Variants in CDH18 observed in about 807,000 individuals in gnomAD.
CDH18 encodes cadherin 18.
CDH18 carries 31 observed loss-of-function variants against 67.9 expected under a neutral mutation model. The ratio of observed to expected loss-of-function variants is 0.46; its 90% CI spans 0.34 to 0.62. The LOEUF (loss-of-function observed/expected upper bound fraction) is 0.62, where lower values mean the gene tolerates loss of function less well. Ranked by LOEUF, CDH18 falls within the 20% of genes least tolerant of loss-of-function variation. The pLI is 0.01. For missense variants in CDH18, 890 were observed against 975.5 expected, an observed-to-expected ratio of 0.91 and a Z score of 1.17; for synonymous variants, 362 against 347.2, an observed-to-expected ratio of 1.04 and a Z score of -0.48.
chr5:19,524,462 A>G (rs1183758556), intron 9 of CDH18, among the ~76,000 whole-genome samples: 6 of 151,682 alleles, frequency 4.0e-5, no homozygotes, highest in Non-Finnish European at 7.4e-5. Flanking sequence ...CAAAACTAAC[A>G]TAATAATTAG....
chr5:20,470,146 G>A (rs1414578095), intron 1 of CDH18, among the ~76,000 whole-genome samples: 1 of 152,034 alleles, frequency 6.6e-6, no homozygotes, highest in Non-Finnish European at 1.5e-5. Flanking sequence ...TGCATGTATT[G>A]ATCTCACAAT....
intron 1 of CDH18, among the ~76,000 whole-genome samples, chr5:20,378,232 G>T (rs542171093): frequency 3.3e-5 from 5 of 152,094 alleles, no homozygotes; most frequent in Non-Finnish European, 4.4e-5. Context: ...GGAGTGCAGT[G>T]GTGCGCTCGG....
chr5:20,418,564 A>C (rs1244215084), intron 1 of CDH18, among the ~76,000 whole-genome samples: 2 of 152,052 alleles, frequency 1.3e-5, no homozygotes. Context: ...AGGAATTCTA[A>C]GTCAAACATA....
chr5:20,326,779 G>A (rs1365153245), intron 1 of CDH18, among the ~76,000 whole-genome samples: 1 of 152,130 alleles, frequency 6.6e-6, no homozygotes, highest in Non-Finnish European at 1.5e-5. Context: ...CTGACCTTGT[G>A]ATCTGCCAGC....
chr5:20,012,563 G>C (rs1419655976), intron 2 of CDH18, among the ~76,000 whole-genome samples: 4 of 152,008 alleles, frequency 2.6e-5, no homozygotes, highest in African/African-American at 9.7e-5. Context: ...GCTAACCAAG[G>C]AGGTGAAAGA....
intron 1 of CDH18, among the ~76,000 whole-genome samples, chr5:20,273,045 G>C (rs1054211167): frequency 5.9e-5 from 9 of 152,032 alleles, no homozygotes; most frequent in African/African-American, 1.7e-4. Flanking sequence ...ATTTAGGATT[G>C]TGCAAAAGTA....
At chr5:20,098,928 C>T (rs1746221253) in intron 2 of CDH18, among the ~76,000 whole-genome samples, 1 of 152,120 alleles carries the variant, frequency 6.6e-6, no homozygotes, top group African/African-American at 2.4e-5. Flanking sequence ...TTCTAAAATT[C>T]CATCAACATA....
chr5:20,148,950 T>C (rs76835311), intron 2 of CDH18, among the ~76,000 whole-genome samples: 1,832 of 152,212 alleles, frequency 0.012, 22 homozygotes, highest in Middle Eastern at 0.044. Flanking sequence ...TCATATTCCA[T>C]ATGCTAGAAC....
At chr5:20,005,512 T>C (rs1432745518) in intron 2 of CDH18, among the ~76,000 whole-genome samples, 1 of 151,620 alleles carries the variant, frequency 6.6e-6, no homozygotes, top group African/African-American at 2.4e-5. Context: ...CCATTAGACA[T>C]TAAACTTAGG....
At chr5:20,038,815 T>C (rs962655351) in intron 2 of CDH18, among the ~76,000 whole-genome samples, 1 of 152,156 alleles carries the variant, frequency 6.6e-6, no homozygotes, top group Non-Finnish European at 1.5e-5. Context: ...ATCACTCCTA[T>C]TCAACAAAGT....
At chr5:20,160,916 A>C in intron 2 of CDH18, among the ~76,000 whole-genome samples, 1 of 152,262 alleles carries the variant, frequency 6.6e-6, no homozygotes, top group Non-Finnish European at 1.5e-5. Context: ...GTTATAAAAA[A>C]AGAATAACTT....
chr5:19,705,631 G>T lies in CDH18; in HGVS notation c.643+15716C>A, dbSNP rs183012969. Among the ~76,000 whole-genome samples, 306 of 152,284 alleles carry T rather than the reference G, an allele frequency of 2.0e-3. 1 individual carries two copies. Among genetic ancestry groups the T allele is most frequent in the Middle Eastern group, 0.017 (5 of 294 alleles). On this transcript the variant is annotated intron_variant, in intron 5 of 12. Coordinates refer to ENST00000382275, the MANE Select transcript of CDH18 (RefSeq NM_004934.5). ...CACCTACTGGTGTTATTGTTCAAGA[G>T]CAGGATCTTGTAGAGTGGCTTTTTC... is the stretch of plus-strand genomic sequence containing the variant.
In CDH18 at chr5:20,420,545, T is replaced by C. The variant is rs952982173; in HGVS notation, c.-580+154917A>G. 2.6e-5 allele frequency among the ~76,000 whole-genome samples: 4 copies of C among 151,194 alleles called. 1 individual carries two copies. Among genetic ancestry groups the C allele is most frequent in the African/African-American group, 9.9e-5 (4 of 40,498 alleles). On this transcript the variant is annotated intron_variant, in intron 1 of 14. Transcript: ENST00000507958. ...TAAAGCATTTACTGATAAATACTTG[T>C]GAAATAAAATGACTCTAAGTTACAA...
At chr5:19,887,074 T>G (rs1263522118) in intron 2 of CDH18, among the ~76,000 whole-genome samples, 1 of 152,052 alleles carries the variant, frequency 6.6e-6, no homozygotes, top group Non-Finnish European at 1.5e-5. Context: ...TGGCTTCAGG[T>G]GCCCACATGT....
chr5:20,150,081 GA>G (rs1372387197), intron 2 of CDH18, among the ~76,000 whole-genome samples: 2 of 152,018 alleles, frequency 1.3e-5, no homozygotes, highest in East Asian at 1.9e-4. Context: ...CAGTGGATTT[GA>G]AAAAAAGTTC....
intron 8 of CDH18, among the ~76,000 whole-genome samples, chr5:19,559,430 A>G (rs1580205691): frequency 7.2e-6 from 1 of 139,046 alleles, no homozygotes; most frequent in African/African-American, 2.6e-5. Flanking sequence ...AAATCACATG[A>G]TTATCTCAAT....
intron 2 of CDH18, among the ~76,000 whole-genome samples, chr5:20,186,030 A>G (rs1281739369): frequency 1.3e-5 from 2 of 152,058 alleles, no homozygotes; most frequent in Non-Finnish European, 2.9e-5. Context: ...GGAAACAGAA[A>G]GGAATGAAGA....
At chr5:20,052,818 T>A (rs532618082) in intron 2 of CDH18, among the ~76,000 whole-genome samples, 1 of 152,050 alleles carries the variant, frequency 6.6e-6, no homozygotes, top group Non-Finnish European at 1.5e-5. Context: ...ATAAAGAAGA[T>A]AACCAGTTTT....
In CDH18 at chr5:20,046,711, TGAG is replaced by T. The variant is rs1580117128; in HGVS notation, c.-517-54700_-517-54698del. Among the ~76,000 whole-genome samples, 9 of 150,586 alleles carry T rather than the reference TGAG, an allele frequency of 6.0e-5. No individual in the cohort carries two copies. The South Asian group carries it at 1.9e-3, about 31-fold the overall frequency. On this transcript the variant is annotated intron_variant, in intron 2 of 14. Transcript: ENST00000507958. Reference sequence around the variant, plus strand: ...ATCTCTATATATATATAATCAAAGATGAGGAAGTCAACACATGAAATGTTTAAT... The same window carrying T: ...ATCTCTATATATATATAATCAAAGATGAAGTCAACACATGAAATGTTTAAT...
Sources: gnomAD v4.1 joint callset for allele counts (sites outside exome capture counted in the v4.1 genomes callset) on GRCh38, gnomAD v4.1.1 for gene constraint, MANE v1.5 for transcripts, NCBI Gene and HGNC (gene_info 2026-07-23, HGNC 2026-07-21) for gene names.